Variants in TASOR observed in about 807,000 individuals in gnomAD.
TASOR encodes protein TASOR.
TASOR carries 53 observed loss-of-function variants against 178.6 expected under a neutral mutation model. The observed-to-expected ratio is 0.30, with a 90% CI of 0.24 to 0.37. The LOEUF (loss-of-function observed/expected upper bound fraction) is 0.37. Among genes scored for constraint, TASOR ranks in the 10% least tolerant of loss-of-function variants. The pLI, the probability that TASOR is intolerant of heterozygous loss-of-function variation, is 1.00. For synonymous variants in TASOR, 713 were observed against 696.2 expected (o/e 1.02, Z -0.38); for missense variants, 1,815 against 1,971.4 (o/e 0.92, Z 1.50).
At chr3:56,632,064 T>TA (rs1331802735) in intron 18 of TASOR, among the ~76,000 whole-genome samples, 1 of 152,168 alleles carries the variant, frequency 6.6e-6, no homozygotes, top group Non-Finnish European at 1.5e-5. Context: ...ACCAAAAGTT[T>TA]ATCATTAGGC....
At position 56,682,664 on chromosome 3, in the gene TASOR, G is replaced by A. The variant is rs752826813; in HGVS notation, c.331+12C>T. On this transcript the variant is annotated intron_variant, in intron 1 of 23. Coordinates refer to ENST00000683822, the MANE Select transcript of TASOR (RefSeq NM_001365635.2). ...AGAGAGAGAGGGGGTTGAGAAGAAGGGGAGGCACCACCTTTCTTTTCTCTG... is the reference window on the plus strand; with the variant it reads ...AGAGAGAGAGGGGGTTGAGAAGAAGAGGAGGCACCACCTTTCTTTTCTCTG... The A allele has an allele frequency of 4.7e-5, 68 of 1,454,220 alleles. No individual in the cohort carries two copies. Among genetic ancestry groups the A allele is most frequent in the Non-Finnish European group, 1.0e-5 (11 of 1,099,712 alleles). The allele number at this position is 1,454,220 out of a possible 1,614,324, so 90.1% of individuals were successfully genotyped here. A position where few individuals can be genotyped will look rare whatever the true frequency, so the allele number is the denominator to read the frequency against.
intron 1 of TASOR, among the ~76,000 whole-genome samples, chr3:56,676,254 T>C (rs1270263173): frequency 3.9e-5 from 6 of 152,212 alleles, no homozygotes; most frequent in African/African-American, 1.4e-4. Flanking sequence ...AGAAATTTTG[T>C]CAAGAGCTTT....
chr3:56,651,743 G>A (rs1389432987), intron 11 of TASOR, among the ~76,000 whole-genome samples: 1 of 150,698 alleles, frequency 6.6e-6, no homozygotes, highest in Non-Finnish European at 1.5e-5. Context: ...ACTAAAGTGA[G>A]ATTCAGCAGA....
At chr3:56,662,134 A>AAG (rs200026959) in intron 9 of TASOR, among the ~76,000 whole-genome samples, 3 of 144,768 alleles carry the variant, frequency 2.1e-5, no homozygotes, top group African/African-American at 7.9e-5. Flanking sequence ...CCGTCTCAAA[A>AAG]AAAAAAAAAA....
At chr3:56,663,508 A>G in intron 8 of TASOR, 33 bp downstream of exon 8, 1 of 1,031,638 alleles carries the variant, frequency 9.7e-7, no homozygotes. Context: ...TATTCTTTCC[A>G]TTTATAAAAC....
intron 14 of TASOR, among the ~76,000 whole-genome samples, chr3:56,644,840 C>A (rs961608328): frequency 2.0e-5 from 3 of 151,902 alleles, no homozygotes; most frequent in Non-Finnish European, 4.4e-5. Context: ...GAACTTTCTG[C>A]AATAATGGAA....
intron 13 of TASOR, among the ~76,000 whole-genome samples, chr3:56,648,415 G>A (rs1559833293): frequency 6.6e-6 from 1 of 151,924 alleles, no homozygotes; most frequent in African/African-American, 2.4e-5. Context: ...ATCACTTGAG[G>A]TCAGGAGTTC....
chr3:56,673,033 AC>A (rs2030889238), intron 2 of TASOR, among the ~76,000 whole-genome samples: 1 of 151,884 alleles, frequency 6.6e-6, no homozygotes, highest in African/African-American at 2.4e-5. Flanking sequence ...CTGGTCTCAA[AC>A]CCCTGGCCTC....
At chr3:56,645,068 G>A (rs1022685524) in intron 14 of TASOR, among the ~76,000 whole-genome samples, 1 of 152,174 alleles carries the variant, frequency 6.6e-6, no homozygotes, top group African/African-American at 2.4e-5. Flanking sequence ...GAGGTCAGGA[G>A]TTCAAGACCA....
In TASOR at chr3:56,621,175, A is replaced by C. The variant is rs1310891486; in HGVS notation, c.*1862T>G. 1 of 155,922 alleles carries C rather than the reference A, an allele frequency of 6.4e-6. No individual in the cohort carries two copies. Among genetic ancestry groups the C allele is most frequent in the Admixed American group, 6.5e-5 (1 of 15,340 alleles). The allele number at this position is 155,922 out of a possible 1,614,324, so 9.7% of individuals were successfully genotyped here. On this transcript the variant is annotated 3_prime_UTR_variant, in exon 24 of 24. Transcript: ENST00000683822. Reference sequence around the variant, plus strand: ...CTCCATCTCCAAAAAAAAACAAAACAACAACAACAAAAAAAAAACACTGTA... The same window carrying C: ...CTCCATCTCCAAAAAAAAACAAAACCACAACAACAAAAAAAAAACACTGTA...
chr3:56,670,273 A>C, intron 3 of TASOR, 128 bp from the exon 4 acceptor site: 1 of 523,382 alleles, frequency 1.9e-6, no homozygotes, highest in Non-Finnish European at 3.3e-6. Flanking sequence ...GATCACAGAA[A>C]TCTTATATAT....
intron 3 of TASOR, 64 bp downstream of exon 3, chr3:56,671,535 CA>C: frequency 8.3e-7 from 1 of 1,207,432 alleles, no homozygotes; most frequent in Non-Finnish European, 1.2e-6. Context: ...GTTGAATAAT[CA>C]CAAAATTAGT....
intron 22 of TASOR, 22 bp from the exon 23 acceptor site, chr3:56,624,665 C>T: frequency 6.2e-7 from 1 of 1,601,264 alleles, no homozygotes. Flanking sequence ...AAAAAAGTTT[C>T]ATGTATGAAA....
chr3:56,646,719 G>T lies in TASOR; in HGVS notation c.2018C>A (p.Ser673Tyr), dbSNP rs200432178. The T allele has an allele frequency of 6.2e-7, 1 of 1,613,696 alleles. No individual in the cohort carries two copies. The highest frequency in any genetic ancestry group is 8.5e-7 in the Non-Finnish European group (1 of 1,179,970). ...GACTCTATCCTTATCATAATCCAAAGAATGAGATGATCTTTGCTTTCCAGA... is the reference window on the plus strand; with the variant it reads ...GACTCTATCCTTATCATAATCCAAATAATGAGATGATCTTTGCTTTCCAGA... ...IISGKQRSSH[S>Y]LDYDKDRVKE... Residue 673 changes from serine (S) to tyrosine (Y), a missense_variant, in exon 14 of 24, where the codon TCT becomes TAT. Ser to Tyr is a moderately radical substitution (Grantham distance 144). Transcript: ENST00000683822.
At chr3:56,676,671 T>A (rs2031326622) in intron 1 of TASOR, among the ~76,000 whole-genome samples, 1 of 152,230 alleles carries the variant, frequency 6.6e-6, no homozygotes, top group African/African-American at 2.4e-5. Flanking sequence ...CTATGAAATG[T>A]TAGTCTACAT....
chr3:56,637,998 T>G (rs546861314), intron 17 of TASOR, among the ~76,000 whole-genome samples: 170 of 152,306 alleles, frequency 1.1e-3, no homozygotes, highest in African/African-American at 4.0e-3. Flanking sequence ...TCAGAAGAAC[T>G]AGGTTAAAAG....
chr3:56,653,106 C>G (rs972449156), intron 11 of TASOR, among the ~76,000 whole-genome samples: 3 of 151,358 alleles, frequency 2.0e-5, no homozygotes, highest in Admixed American at 6.6e-5. Flanking sequence ...CTACTAAATA[C>G]ACGAAAATTA....
At position 56,621,236 on chromosome 3, in the gene TASOR, T is replaced by A. The variant is rs2076554792; in HGVS notation, c.*1801A>T. 2 of 218,924 alleles carry A rather than the reference T, an allele frequency of 9.1e-6. No individual in the cohort carries two copies. Among genetic ancestry groups the A allele is most frequent in the Non-Finnish European group, 1.8e-5 (2 of 111,934 alleles). The allele number at this position is 218,924 out of a possible 1,614,324, so 13.6% of individuals were successfully genotyped here. On this transcript the variant is annotated 3_prime_UTR_variant, in exon 24 of 24. Transcript: ENST00000683822. ...GACTCCTTCAGTATCTAAGAGCACT[T>A]GGGGGTGGACTGGGGGAGAAGGGAT...
chr3:56,636,878 G>C (rs2077028242), intron 17 of TASOR, among the ~76,000 whole-genome samples: 1 of 151,942 alleles, frequency 6.6e-6, no homozygotes, highest in Non-Finnish European at 1.5e-5. Flanking sequence ...TGAAGCATAA[G>C]AAAGATAACT....
Sources: gnomAD v4.1 joint callset for allele counts (sites outside exome capture counted in the v4.1 genomes callset) on GRCh38, gnomAD v4.1.1 for gene constraint, MANE v1.5 for transcripts, NCBI Gene and HGNC (gene_info 2026-07-23, HGNC 2026-07-21) for gene names.